Variants in SDK1 observed in about 807,000 individuals in gnomAD.
SDK1 encodes protein sidekick-1.
In SDK1, 157 loss-of-function variants were observed where a neutral mutation model predicts 245.5. That is an observed-to-expected ratio of 0.64 (90% CI 0.56 to 0.73). The LOEUF is 0.73. SDK1 is among the 30% of genes least tolerant of loss of function. The pLI is 0.00. For synonymous variants in SDK1, 1,647 were observed against 1,278.5 expected (o/e 1.29, Z -6.15); for missense variants, 3,583 against 3,002.3 (o/e 1.19, Z -4.52).
intron 4 of SDK1, among the ~76,000 whole-genome samples, chr7:3,757,286 CCTTT>C (rs1386835579): frequency 6.6e-6 from 1 of 152,138 alleles, no homozygotes; most frequent in Non-Finnish European, 1.5e-5. Flanking sequence ...TTACTTACTT[CCTTT>C]TTTTGAGACA....
intron 1 of SDK1, among the ~76,000 whole-genome samples, chr7:3,330,817 A>AC (rs1554258317): frequency 6.6e-6 from 1 of 151,192 alleles, no homozygotes; most frequent in African/African-American, 2.4e-5. Context: ...TAAAAAAAAA[A>AC]AAAAAAAAAA....
chr7:4,069,765 C>G (rs1271951033), intron 20 of SDK1, among the ~76,000 whole-genome samples: 2 of 152,246 alleles, frequency 1.3e-5, no homozygotes, highest in African/African-American at 4.8e-5. Context: ...ACCCTGGCCA[C>G]TTCCACTGTG....
At chr7:4,138,769 AAG>A (rs1401083596) in intron 28 of SDK1, among the ~76,000 whole-genome samples, 26 of 151,192 alleles carry the variant, frequency 1.7e-4, no homozygotes, top group African/African-American at 4.4e-4. Flanking sequence ...AAGAGAGAGA[AAG>A]AAAGAAGAAG....
chr7:3,780,189 C>A (rs1376353845), intron 4 of SDK1, among the ~76,000 whole-genome samples: 7 of 152,238 alleles, frequency 4.6e-5, no homozygotes, highest in African/African-American at 9.6e-5. Context: ...CACACTGCCC[C>A]TTCCCATCTC....
chr7:3,615,687 C>A (rs74751097), intron 1 of SDK1, among the ~76,000 whole-genome samples: 1 of 151,518 alleles, frequency 6.6e-6, no homozygotes, highest in Non-Finnish European at 1.5e-5. Flanking sequence ...TCTCCCTCTC[C>A]CTCACATCCA....
intron 1 of SDK1, among the ~76,000 whole-genome samples, chr7:3,340,257 A>C (rs986872367): frequency 6.6e-6 from 1 of 152,114 alleles, no homozygotes; most frequent in South Asian, 2.1e-4. Context: ...ATGGCAATAA[A>C]AGGAGTCACA....
chr7:3,900,648 G>A (rs913083433), intron 5 of SDK1, among the ~76,000 whole-genome samples: 6 of 151,972 alleles, frequency 3.9e-5, no homozygotes, highest in African/African-American at 1.2e-4. Flanking sequence ...GAAATGTAAG[G>A]TGAATTAACT....
chr7:4,166,394 A>G (rs627468), intron 32 of SDK1, among the ~76,000 whole-genome samples: 41,011 of 152,022 alleles, frequency 0.27, 7,038 homozygotes, highest in African/African-American at 0.49. Context: ...CATTGATAGG[A>G]AGACAGCAGA....
At chr7:3,336,861 G>C (rs1429437898) in intron 1 of SDK1, among the ~76,000 whole-genome samples, 1 of 152,180 alleles carries the variant, frequency 6.6e-6, no homozygotes, top group African/African-American at 2.4e-5. Context: ...CCCCACTTTT[G>C]TCAGGGTGAT....
chr7:3,707,527 G>A (rs1016328868), intron 4 of SDK1, among the ~76,000 whole-genome samples: 1 of 152,210 alleles, frequency 6.6e-6, no homozygotes, highest in African/African-American at 2.4e-5. Context: ...TGTATCTGCA[G>A]TTCTTGGGTA....
chr7:4,242,234 C>T (rs995772799), intron 43 of SDK1, among the ~76,000 whole-genome samples: 1 of 152,144 alleles, frequency 6.6e-6, no homozygotes, highest in Admixed American at 6.5e-5. Flanking sequence ...TGGATCTGGG[C>T]GTTCCTAGTT....
rs71029672 is a variant in SDK1, at chr7:3,435,321, C to CTTTTTT, written c.298+133459_298+133464dup. Among the ~76,000 whole-genome samples, 84 of 56,898 alleles carry CTTTTTT rather than the reference C, an allele frequency of 1.5e-3. 8 individuals carry two copies. Among genetic ancestry groups the CTTTTTT allele is most frequent in the African/African-American group, 6.6e-3 (73 of 10,994 alleles). The allele number at this position is 56,898 out of a possible 152,430, so 37.3% of individuals were successfully genotyped here. ...ATACTTGACTTATGAAGGGGACTGC[C>CTTTTTT]TTTTTTTTTTTTTTTTTTTTTTTTT... is the stretch of plus-strand genomic sequence containing the variant. On this transcript the variant is annotated intron_variant, in intron 1 of 44. Coordinates refer to ENST00000404826, the MANE Select transcript of SDK1 (RefSeq NM_152744.4).
intron 37 of SDK1, among the ~76,000 whole-genome samples, chr7:4,209,551 A>G (rs1584451697): frequency 6.6e-6 from 1 of 152,234 alleles, no homozygotes; most frequent in East Asian, 1.9e-4. Context: ...GTGTGGTGGG[A>G]GATTTCACGT....
intron 4 of SDK1, among the ~76,000 whole-genome samples, chr7:3,699,264 G>C (rs926722717): frequency 1.2e-4 from 18 of 152,178 alleles, no homozygotes; most frequent in Admixed American, 1.2e-3. Context: ...CAACTTGAAT[G>C]AGGAAAGACA....
At chr7:3,632,896 T>A (rs184062617) in intron 2 of SDK1, among the ~76,000 whole-genome samples, 18 of 152,324 alleles carry the variant, frequency 1.2e-4, no homozygotes, top group Admixed American at 1.1e-3. Context: ...CATTTCATTA[T>A]TTTGCTTTAG....
intron 35 of SDK1, among the ~76,000 whole-genome samples, chr7:4,192,165 TCAGTTACAGATGGAAGGTTTGGGG>T (rs1298270894): frequency 1.3e-5 from 2 of 152,224 alleles, no homozygotes; most frequent in African/African-American, 4.8e-5. Flanking sequence ...AGATACTGTG[TCAGTTACAGATGGAAGGTTTGGGG>T]CAGCCCTGCT....
At chr7:3,993,537 A>G (rs1266110695) in intron 14 of SDK1, among the ~76,000 whole-genome samples, 1 of 152,204 alleles carries the variant, frequency 6.6e-6, no homozygotes, top group Non-Finnish European at 1.5e-5. Context: ...TTTAATTAAA[A>G]TGTAAAATAC....
Position 3,653,141 on chromosome 7 carries a change from C to T in SDK1, c.713+11036C>T, listed in dbSNP as rs544444083. ...TGAGCTTGAATCCTTAGGGAATCAG[C>T]GAATGCTTGAGTGCAGGTGGATCAG... On this transcript the variant is annotated intron_variant, in intron 4 of 44. Transcript: ENST00000404826. Among the ~76,000 whole-genome samples, 9 of 152,286 alleles carry T rather than the reference C, an allele frequency of 5.9e-5. No homozygotes were observed. In the South Asian group the frequency reaches 1.2e-3, roughly 21 times the overall value.
chr7:3,417,819 G>C (rs560522387), intron 1 of SDK1, among the ~76,000 whole-genome samples: 1 of 152,256 alleles, frequency 6.6e-6, no homozygotes, highest in African/African-American at 2.4e-5. Context: ...GATATGGCAT[G>C]TCAGAGTCTG....
Sources: gnomAD v4.1 joint callset for allele counts (sites outside exome capture counted in the v4.1 genomes callset) on GRCh38, gnomAD v4.1.1 for gene constraint, MANE v1.5 for transcripts, NCBI Gene and HGNC (gene_info 2026-07-23, HGNC 2026-07-21) for gene names.